Variants in NEDD4 observed in about 807,000 individuals in gnomAD.
NEDD4 encodes the protein NEDD4 E3 ubiquitin protein ligase.
NEDD4 carries 99 observed loss-of-function variants against 144.9 expected under a neutral mutation model. That is an observed-to-expected ratio of 0.68 (90% CI 0.58 to 0.81). The LOEUF (loss-of-function observed/expected upper bound fraction) is 0.81, where lower values mean the gene tolerates loss of function less well. Among genes scored for constraint, NEDD4 ranks in the 30% least tolerant of loss-of-function variants. The probability of loss-of-function intolerance (pLI) is 0.00; values close to 1 mark genes in which losing one functional copy is unlikely to be tolerated. For synonymous variants in NEDD4, 318 were observed against 350.6 expected, an observed-to-expected ratio of 0.91 and a Z score of 1.04; for missense variants, 985 against 1,065.9, an observed-to-expected ratio of 0.92 and a Z score of 1.06.
chr15:55,852,132 C>T (rs2034006064), intron 13 of NEDD4, among the ~76,000 whole-genome samples: 1 of 151,772 alleles, frequency 6.6e-6, no homozygotes, highest in Non-Finnish European at 1.5e-5. Flanking sequence ...CCTGTCTCTA[C>T]TAAAAATACA....
rs2037323235 is a variant in NEDD4 at position 55,955,647 on chromosome 15, T to C, written c.120-4058A>G. ...TATTGTCACATGAATTTCCTTCTTT[T>C]TAAAGGCTGAATAAACACTGTATGT... On this transcript the variant is annotated intron_variant, in intron 2 of 28. Transcript: ENST00000435532. Among the ~76,000 whole-genome samples, 3 of 152,120 alleles carry C rather than the reference T, an allele frequency of 2.0e-5. No individual in the cohort carries two copies. In the South Asian group the frequency reaches 6.2e-4, roughly 32 times the overall value.
At chr15:55,974,475 T>C (rs1388282794) in intron 1 of NEDD4, among the ~76,000 whole-genome samples, 3 of 151,908 alleles carry the variant, frequency 2.0e-5, no homozygotes, top group Non-Finnish European at 4.4e-5. Flanking sequence ...AAAAGAAAAC[T>C]ACAGGCCAAT....
chr15:55,859,053 G>A (rs1396540816), intron 11 of NEDD4, among the ~76,000 whole-genome samples: 1 of 152,184 alleles, frequency 6.6e-6, no homozygotes, highest in Non-Finnish European at 1.5e-5. Context: ...TTTATTGACT[G>A]ATGTATCCTC....
At chr15:55,988,960 G>A (rs949657557) in intron 1 of NEDD4, among the ~76,000 whole-genome samples, 3 of 152,178 alleles carry the variant, frequency 2.0e-5, no homozygotes, top group Non-Finnish European at 2.9e-5. Flanking sequence ...AATAGGACGG[G>A]CGCGGTGCCT....
chr15:55,918,178 AG>A, intron 5 of NEDD4, among the ~76,000 whole-genome samples: 1 of 152,218 alleles, frequency 6.6e-6, no homozygotes, highest in Admixed American at 6.5e-5. Context: ...GTGCTGATAA[AG>A]CTCCCACAGT....
intron 1 of NEDD4, among the ~76,000 whole-genome samples, chr15:55,970,067 C>G (rs74015348): frequency 0.019 from 2,957 of 151,880 alleles, 109 homozygotes; most frequent in African/African-American, 0.068. Flanking sequence ...TGGCAGGACT[C>G]ACCATCTACT....
chr15:55,878,463 A>G (rs2035069435), intron 5 of NEDD4, among the ~76,000 whole-genome samples: 2 of 152,176 alleles, frequency 1.3e-5, no homozygotes, highest in Admixed American at 1.3e-4. Context: ...TAAAATCACA[A>G]TGCAGTACTA....
rs1219815967 is a variant in NEDD4 at position 55,828,024 on chromosome 15, T to A, written c.*1873A>T. ...GTTAAGTAAGCTGCTTCAGTTCACA[T>A]GGCTGGTGAGATATCAAACCAGGAC... On this transcript the variant is annotated 3_prime_UTR_variant, in exon 29 of 29. Transcript: ENST00000435532. 6.6e-6 allele frequency: 1 copy of A among 152,224 alleles called. No individual in the cohort carries two copies. The highest frequency in any genetic ancestry group is 2.4e-5 in the African/African-American group (1 of 41,450). 9.4% of individuals were successfully genotyped at this position (152,224 alleles called of 1,614,324 possible). A position where few individuals can be genotyped will look rare whatever the true frequency, so the allele number is the denominator to read the frequency against.
chr15:55,848,991 C>A, intron 14 of NEDD4, 105 bp from the exon 15 acceptor site: 1 of 858,242 alleles, frequency 1.2e-6, no homozygotes. Context: ...AAAATATTCT[C>A]TTGTAAAAGT....
chr15:55,845,155 G>A (rs2033687513), intron 18 of NEDD4, among the ~76,000 whole-genome samples: 1 of 152,038 alleles, frequency 6.6e-6, no homozygotes, highest in South Asian at 2.1e-4. Context: ...CCCTCCTTCT[G>A]GGGTGACTTC....
intron 12 of NEDD4, among the ~76,000 whole-genome samples, chr15:55,854,624 G>C (rs1376864236): frequency 6.6e-6 from 1 of 152,174 alleles, no homozygotes. Context: ...AGTAGGCATA[G>C]GGATTGAGGG....
chr15:55,982,668 C>A (rs2037823144), intron 1 of NEDD4, among the ~76,000 whole-genome samples: 1 of 152,174 alleles, frequency 6.6e-6, no homozygotes, highest in African/African-American at 2.4e-5. Flanking sequence ...ATTGGCTTTA[C>A]ATGTTGAAAA....
intron 4 of NEDD4, among the ~76,000 whole-genome samples, chr15:55,929,540 T>C (rs1013272062): frequency 3.9e-5 from 6 of 152,166 alleles, no homozygotes; most frequent in Non-Finnish European, 5.9e-5. Flanking sequence ...TTTGTATCCA[T>C]GTGTACTCAC....
In NEDD4 at chr15:55,840,446, CCA is replaced by C. The variant is rs767827841; in HGVS notation, c.2030_2031del (p.Val677GlyfsTer2). ...KPITLHDMES[V>X]DSEYYNSLRW... Reference sequence around the variant, plus strand: ...CTATACTATAAGTGAAAAAGACATACCACAGATTCCATATCATGAAGGGTTAT... The same window carrying C: ...CTATACTATAAGTGAAAAAGACATACCAGATTCCATATCATGAAGGGTTAT... On this transcript the variant is annotated frameshift_variant and splice_region_variant, in exon 21 of 29. Transcript: ENST00000435532. LOFTEE classifies it high-confidence loss of function. The C allele has an allele frequency of 4.3e-6, 7 of 1,612,638 alleles. No individual in the cohort carries two copies. The highest frequency in any genetic ancestry group is 3.4e-6 in the Non-Finnish European group (4 of 1,179,416).
At position 55,873,308 on chromosome 15, in the gene NEDD4, A is replaced by G. The variant is rs563084226; in HGVS notation, c.342+650T>C. ...TCCTTCCAGTCCCTTTTCCCTACCT[A>G]GCTGATTTTTATCTCTCTGTCAGCA... is the stretch of plus-strand genomic sequence containing the variant. On this transcript the variant is annotated intron_variant, in intron 6 of 28. Transcript: ENST00000435532. Among the ~76,000 whole-genome samples the G allele has an allele frequency of 3.9e-5, 6 of 152,150 alleles. No homozygotes were observed. In the South Asian group the frequency reaches 1.2e-3, roughly 32 times the overall value.
rs753041400 is a variant in NEDD4, at chr15:55,924,696, G to A, written c.241C>T (p.His81Tyr). ...AAAAGAAGCCGGTGCTGCTGAGGATGAACCTAAGAAAAACACAATCTTTAT... is the reference window on the plus strand; with the variant it reads ...AAAAGAAGCCGGTGCTGCTGAGGATAAACCTAAGAAAAACACAATCTTTAT... ...KWNEEILFRV[H>Y]PQQHRLLFEV... is the part of the protein sequence containing the mutation. Residue 81 changes from histidine to tyrosine, a missense_variant, in exon 5 of 29, where the codon CAT (histidine) becomes TAT (tyrosine). Coordinates refer to ENST00000435532, the MANE Select transcript of NEDD4 (RefSeq NM_006154.4). The A allele has an allele frequency of 3.7e-6, 6 of 1,607,570 alleles. No individual in the cohort carries two copies. Among genetic ancestry groups the A allele is most frequent in the Non-Finnish European group, 5.1e-6 (6 of 1,176,958 alleles).
chr15:55,955,353 T>G (rs1274806930), intron 2 of NEDD4, among the ~76,000 whole-genome samples: 3 of 152,126 alleles, frequency 2.0e-5, no homozygotes, highest in African/African-American at 7.2e-5. Context: ...AAATTTTTAA[T>G]TGCACATACA....
intron 5 of NEDD4, among the ~76,000 whole-genome samples, chr15:55,897,123 G>A (rs1441760729): frequency 2.6e-5 from 4 of 152,096 alleles, no homozygotes; most frequent in Admixed American, 2.6e-4. Context: ...ATAGGTGCCC[G>A]CCACCATGCC....
chr15:55,889,750 G>C (rs2035507199), intron 5 of NEDD4, among the ~76,000 whole-genome samples: 1 of 152,012 alleles, frequency 6.6e-6, no homozygotes, highest in Non-Finnish European at 1.5e-5. Flanking sequence ...ACCCAGGCTG[G>C]AGTGCAGTGG....
Sources: gnomAD v4.1 joint callset for allele counts (sites outside exome capture counted in the v4.1 genomes callset) on GRCh38, gnomAD v4.1.1 for gene constraint, MANE v1.5 for transcripts, NCBI Gene and HGNC (gene_info 2026-07-23, HGNC 2026-07-21) for gene names.